The following ZNF429 variants were observed in gnomAD, a reference collection of about 807,000 sequenced individuals.
The protein encoded by ZNF429 is zinc finger protein 429.
A neutral mutation model predicts 56.8 loss-of-function variants in ZNF429; 53 were observed. The ratio of observed to expected loss-of-function variants is 0.93; its 90% confidence interval spans 0.75 to 1.17. The LOEUF is 1.17. ZNF429 is among the 50% of genes most tolerant of loss of function. The pLI is 0.00. For synonymous variants in ZNF429, 278 were observed against 264.7 expected (o/e 1.05, Z -0.49); for missense variants, 849 against 788.4 (o/e 1.08, Z -0.92).
chr19:21,534,217 A>G, intron 3 of ZNF429, among the ~76,000 whole-genome samples: 2 of 152,220 alleles, frequency 1.3e-5, no homozygotes, highest in South Asian at 2.1e-4. Context: ...TTGTATTGAC[A>G]TATTTGAAAA....
chr19:21,532,696 G>T, intron 3 of ZNF429, among the ~76,000 whole-genome samples: 2 of 121,140 alleles, frequency 1.7e-5, no homozygotes, highest in South Asian at 6.2e-4. Flanking sequence ...CTATGTGAGA[G>T]GATTTTTTTT....
At chr19:21,509,227 G>A (rs890515995) in intron 1 of ZNF429, among the ~76,000 whole-genome samples, 4 of 152,000 alleles carry the variant, frequency 2.6e-5, no homozygotes, top group East Asian at 1.9e-4. Flanking sequence ...GGCTTGTCTC[G>A]AACTCCTGAG....
chr19:21,531,424 A>T, intron 3 of ZNF429, among the ~76,000 whole-genome samples: 2 of 152,148 alleles, frequency 1.3e-5, no homozygotes, highest in Non-Finnish European at 2.9e-5. Context: ...ATTCACAGAC[A>T]CCAATGCAAA....
At chr19:21,527,889 T>C (rs2033225988) in intron 1 of ZNF429, among the ~76,000 whole-genome samples, 1 of 152,140 alleles carries the variant, frequency 6.6e-6, no homozygotes, top group African/African-American at 2.4e-5. Flanking sequence ...GCTAATCATG[T>C]CCCAGATCAA....
At chr19:21,507,663 G>C (rs1017983187) in intron 1 of ZNF429, 2 of 152,422 alleles carry the variant, frequency 1.3e-5, no homozygotes, top group Non-Finnish European at 2.9e-5. Context: ...ATCAGTCATG[G>C]CTATGTCTGC....
intron 1 of ZNF429, chr19:21,518,683 G>A (rs999322294): frequency 6.6e-6 from 1 of 152,206 alleles, no homozygotes; most frequent in Non-Finnish European, 1.5e-5. Context: ...CTCCTGAGTA[G>A]CTGGGACTAC....
At chr19:21,531,089 A>G in intron 3 of ZNF429, among the ~76,000 whole-genome samples, 1 of 127,868 alleles carries the variant, frequency 7.8e-6, no homozygotes, top group South Asian at 2.8e-4. Flanking sequence ...CTGGGCAACA[A>G]GAGTGAAACT....
chr19:21,513,822 C>A (rs965313160), intron 1 of ZNF429, among the ~76,000 whole-genome samples: 2 of 150,704 alleles, frequency 1.3e-5, no homozygotes, highest in South Asian at 2.1e-4. Context: ...CCTTTTCCTG[C>A]AGCTGCCACC....
chr19:21,516,405 A>G (rs762990518), intron 1 of ZNF429, among the ~76,000 whole-genome samples: 3 of 152,156 alleles, frequency 2.0e-5, no homozygotes, highest in Non-Finnish European at 4.4e-5. Context: ...CTTTTTGCTT[A>G]GGATTGCATT....
In ZNF429 at chr19:21,538,933, T is replaced by C. The variant is rs1313992656; in HGVS notation, c.*855T>C. Among the ~76,000 whole-genome samples, 3 of 152,200 alleles carry C rather than the reference T, an allele frequency of 2.0e-5. No homozygotes were observed. The highest frequency in any genetic ancestry group is 7.2e-5 in the African/African-American group (3 of 41,464). On this transcript the variant is annotated 3_prime_UTR_variant, in exon 4 of 4. Transcript: ENST00000358491. ...AAGAGGGTTATAGTGCATTTACTTG[T>C]ATCACAGATCTTGTTGTACACATTT...
intron 1 of ZNF429, among the ~76,000 whole-genome samples, chr19:21,513,323 G>A (rs2032589884): frequency 6.6e-6 from 1 of 151,962 alleles, no homozygotes; most frequent in East Asian, 1.9e-4. Flanking sequence ...TCTTCCATTT[G>A]ACTTCTCCTG....
At chr19:21,510,927 CAGA>C (rs536763310) in intron 1 of ZNF429, among the ~76,000 whole-genome samples, 17 of 152,156 alleles carry the variant, frequency 1.1e-4, no homozygotes, top group Non-Finnish European at 2.1e-4. Flanking sequence ...GATCCCAAGG[CAGA>C]AGAATTTTTC....
chr19:21,506,505 T>A (rs2032163917), intron 1 of ZNF429, among the ~76,000 whole-genome samples: 1 of 150,236 alleles, frequency 6.7e-6, no homozygotes, highest in Admixed American at 6.6e-5. Context: ...TAAAGAGTGG[T>A]TCTAAAATTG....
rs1253420060 is a variant in ZNF429, at chr19:21,539,749, ATATG to A, written c.*1675_*1678del. 6.6e-6 allele frequency among the ~76,000 whole-genome samples: 1 copy of A among 152,116 alleles called. No individual in the cohort carries two copies. Among genetic ancestry groups the A allele is most frequent in the Non-Finnish European group, 1.5e-5 (1 of 68,032 alleles). ...CCCAGCCCAAAGTATGCTTTTAAAA[ATATG>A]TATATATATAAAATTTTTGAAAAGC... On this transcript the variant is annotated 3_prime_UTR_variant, in exon 4 of 4. Coordinates refer to ENST00000358491, the MANE Select transcript of ZNF429 (RefSeq NM_001001415.4).
intron 1 of ZNF429, among the ~76,000 whole-genome samples, chr19:21,510,782 C>CT (rs1270091495): frequency 1.3e-5 from 2 of 151,720 alleles, no homozygotes; most frequent in African/African-American, 4.8e-5. Context: ...GGTGATGACT[C>CT]TTAACGAGCA....
intron 1 of ZNF429, among the ~76,000 whole-genome samples, chr19:21,519,274 C>G (rs1482350730): frequency 1.3e-5 from 2 of 152,182 alleles, no homozygotes; most frequent in Non-Finnish European, 2.9e-5. Context: ...GCTCTGGAGA[C>G]TCTCCCAGCA....
At chr19:21,509,302 T>G (rs2032340656) in intron 1 of ZNF429, among the ~76,000 whole-genome samples, 1 of 152,182 alleles carries the variant, frequency 6.6e-6, no homozygotes, top group Non-Finnish European at 1.5e-5. Flanking sequence ...CCCGGCCTAC[T>G]ACATGATTTT....
At chr19:21,509,843 T>C (rs1361028806) in intron 1 of ZNF429, among the ~76,000 whole-genome samples, 1 of 152,058 alleles carries the variant, frequency 6.6e-6, no homozygotes, top group Non-Finnish European at 1.5e-5. Context: ...CAGGAGGAAA[T>C]ACCAACCATA....
chr19:21,511,099 A>C (rs1316005878), intron 1 of ZNF429, among the ~76,000 whole-genome samples: 1 of 151,940 alleles, frequency 6.6e-6, no homozygotes, highest in South Asian at 2.1e-4. Flanking sequence ...TGTTGGGTAC[A>C]CCTCCCAGAC....
Sources: allele counts gnomAD v4.1 joint callset (sites outside exome capture counted in the v4.1 genomes callset), GRCh38; gene constraint gnomAD v4.1.1; transcripts MANE v1.5; gene names NCBI Gene and HGNC (gene_info 2026-07-23, HGNC 2026-07-21).